CECR2: variants seen among roughly 807,000 people sequenced by gnomAD.
The protein encoded by CECR2 is chromatin remodeling regulator CECR2.
In CECR2, 30 loss-of-function variants were observed where a neutral mutation model predicts 154.5. The observed-to-expected ratio is 0.19, with a 90% confidence interval of 0.15 to 0.26. The LOEUF is 0.26. Ranked by LOEUF, CECR2 falls within the 10% of genes least tolerant of loss-of-function variation. CECR2 has a pLI of 1.00. For missense variants in CECR2, 1,743 were observed against 1,829.3 expected (o/e 0.95, Z 0.86); for synonymous variants, 725 against 683.7 (o/e 1.06, Z -0.94).
intron 1 of CECR2, among the ~76,000 whole-genome samples, chr22:17,384,619 A>G (rs951991180): frequency 6.6e-5 from 10 of 152,194 alleles, no homozygotes; most frequent in Non-Finnish European, 1.2e-4. Context: ...TGACTAAACC[A>G]TGCTGTAAAC....
At chr22:17,486,519 A>G (rs1405700423) in intron 2 of CECR2, among the ~76,000 whole-genome samples, 1 of 152,164 alleles carries the variant, frequency 6.6e-6, no homozygotes, top group East Asian at 1.9e-4. Context: ...TGCGGCTTGG[A>G]TGAAGCGTCA....
At chr22:17,530,658 C>T (rs2056340367) in intron 9 of CECR2, among the ~76,000 whole-genome samples, 2 of 150,738 alleles carry the variant, frequency 1.3e-5, no homozygotes, top group African/African-American at 4.9e-5. Flanking sequence ...GCCTGGGCAA[C>T]AGAGCGAGAC....
chr22:17,509,921 GA>G (rs2055912136), intron 7 of CECR2, among the ~76,000 whole-genome samples: 1 of 152,132 alleles, frequency 6.6e-6, no homozygotes, highest in Non-Finnish European at 1.5e-5. Context: ...TCTAAACTTT[GA>G]AATAATTAAC....
chr22:17,503,778 G>A (rs1039727834), intron 6 of CECR2, among the ~76,000 whole-genome samples: 17 of 152,048 alleles, frequency 1.1e-4, no homozygotes, highest in Non-Finnish European at 1.8e-4. Flanking sequence ...CCATTGTGGC[G>A]GCTCATGCCT....
intron 1 of CECR2, among the ~76,000 whole-genome samples, chr22:17,442,642 G>A (rs8139467): frequency 4.6e-5 from 7 of 152,176 alleles, no homozygotes; most frequent in African/African-American, 9.6e-5. Flanking sequence ...TCCACCTCCC[G>A]GATTCAAGCA....
chr22:17,449,714 C>A (rs1734144729), intron 1 of CECR2, among the ~76,000 whole-genome samples: 1 of 151,988 alleles, frequency 6.6e-6, no homozygotes, highest in East Asian at 1.9e-4. Flanking sequence ...TGGTCTCGAT[C>A]TCCTGACCTC....
intron 5 of CECR2, 64 bp downstream of exon 5, chr22:17,500,799 C>G (rs534507902): frequency 1.7e-6 from 2 of 1,184,224 alleles, no homozygotes; most frequent in African/African-American, 1.6e-5. Flanking sequence ...TCATTTATTC[C>G]TTTTTCTTTA....
rs149739505 is a variant in CECR2, at chr22:17,511,829, G to T, written c.887G>T (p.Arg296Leu). 5 of 1,611,880 alleles carry T rather than the reference G, an allele frequency of 3.1e-6. No individual in the cohort carries two copies. Among genetic ancestry groups the T allele is most frequent in the Non-Finnish European group, 4.2e-6 (5 of 1,178,792 alleles). ...MIAQKGKRPQ[R>L]TKAELHPRWM... ...TAACTATAGGGAAAACGTCCACAGC[G>T]CACAAAGGCAGAGTTGCATCCTAGG... is the stretch of plus-strand genomic sequence containing the variant. Residue 296 changes from arginine to leucine, a missense_variant, in exon 8 of 19, where the codon CGC becomes CTC. By Grantham distance (102) the Arg-to-Leu change is moderately radical. This residue lies in a region of CECR2 where 292 missense variants were observed against 301.2 expected (regional missense o/e 0.97). Transcript: ENST00000262608.
At chr22:17,397,901 T>G (rs965065835) in intron 1 of CECR2, among the ~76,000 whole-genome samples, 1 of 152,158 alleles carries the variant, frequency 6.6e-6, no homozygotes, top group African/African-American at 2.4e-5. Flanking sequence ...TTTGGAACAT[T>G]AGCACGAGTT....
At chr22:17,546,671 CT>C (rs1192697377) in intron 16 of CECR2, among the ~76,000 whole-genome samples, 5 of 152,004 alleles carry the variant, frequency 3.3e-5, no homozygotes, top group Non-Finnish European at 5.9e-5. Context: ...AATCTCTAAC[CT>C]TGTGCTTCAG....
chr22:17,531,909 C>G (rs2056361179), intron 9 of CECR2, among the ~76,000 whole-genome samples: 2 of 152,206 alleles, frequency 1.3e-5, no homozygotes, highest in Admixed American at 1.3e-4. Flanking sequence ...TGGCTCATGC[C>G]TGTAATCCCA....
intron 1 of CECR2, among the ~76,000 whole-genome samples, chr22:17,475,766 A>G (rs2055198388): frequency 6.6e-6 from 1 of 152,140 alleles, no homozygotes; most frequent in Non-Finnish European, 1.5e-5. Flanking sequence ...AGCTTAAAAC[A>G]TGAGCCATTC....
At chr22:17,440,209 G>A (rs1320426798) in intron 1 of CECR2, among the ~76,000 whole-genome samples, 16 of 147,652 alleles carry the variant, frequency 1.1e-4, no homozygotes, top group Non-Finnish European at 1.2e-4. Flanking sequence ...ATATAAAACT[G>A]TGTGTGTGTG....
Position 17,552,985 on chromosome 22 carries a change from G to A in CECR2, c.*145G>A. 2 of 1,470,080 alleles carry A rather than the reference G, an allele frequency of 1.4e-6. No homozygotes were observed. Among genetic ancestry groups the A allele is most frequent in the Non-Finnish European group, 1.8e-6 (2 of 1,112,994 alleles). The allele number at this position is 1,470,080 out of a possible 1,614,324, so 91.1% of individuals were successfully genotyped here. On this transcript the variant is annotated 3_prime_UTR_variant, in exon 19 of 19. Coordinates refer to ENST00000262608, the MANE Select transcript of CECR2 (RefSeq NM_001290047.2). ...CCACTCGTGCCATACTTGAGCTGGAGCCAGTCACGGGCCCTAAAAGGACAC... is the reference window on the plus strand; with the variant it reads ...CCACTCGTGCCATACTTGAGCTGGAACCAGTCACGGGCCCTAAAAGGACAC...
At chr22:17,465,328 A>G (rs9605301) in intron 1 of CECR2, among the ~76,000 whole-genome samples, 60,618 of 151,238 alleles carry the variant, frequency 0.4, 13,191 homozygotes, top group African/African-American at 0.59. Context: ...TTTGTGTTTT[A>G]TTTTGTTTTT....
At chr22:17,383,433 T>G (rs1481917285) in intron 1 of CECR2, among the ~76,000 whole-genome samples, 5 of 152,178 alleles carry the variant, frequency 3.3e-5, no homozygotes, top group Non-Finnish European at 7.3e-5. Context: ...TCAGCTTGGT[T>G]TAGAATATTC....
At chr22:17,371,865 C>A (rs2063065409) in intron 1 of CECR2, among the ~76,000 whole-genome samples, 1 of 152,192 alleles carries the variant, frequency 6.6e-6, no homozygotes, top group Non-Finnish European at 1.5e-5. Flanking sequence ...TAAGTACTCG[C>A]AGCATATTTA....
chr22:17,503,022 C>T, intron 5 of CECR2, 60 bp from the exon 6 acceptor site: 1 of 1,493,620 alleles, frequency 6.7e-7, no homozygotes, highest in East Asian at 2.3e-5. Context: ...CCTGGGGTGG[C>T]ACAGAACAAT....
intron 1 of CECR2, among the ~76,000 whole-genome samples, chr22:17,412,522 T>G (rs556958926): frequency 6.6e-6 from 1 of 152,168 alleles, no homozygotes; most frequent in African/African-American, 2.4e-5. Flanking sequence ...ATTTGCTGAT[T>G]TTCACATTCT....
Sources: gnomAD v4.1 joint callset for allele counts (sites outside exome capture counted in the v4.1 genomes callset) on GRCh38, gnomAD v4.1.1 for gene constraint, gnomAD v4.1.1 regional missense constraint, MANE v1.5 for transcripts, NCBI Gene and HGNC (gene_info 2026-07-23, HGNC 2026-07-21) for gene names.